Variants in DUOX1 observed in about 807,000 individuals in gnomAD.
The protein encoded by DUOX1 is dual oxidase 1.
Under a neutral mutation model 181.8 loss-of-function variants are expected in DUOX1, and 134 were observed. The ratio of observed to expected loss-of-function variants is 0.74; its 90% CI spans 0.64 to 0.85. The LOEUF (loss-of-function observed/expected upper bound fraction) is 0.85. Ranked by LOEUF, DUOX1 falls within the 40% of genes least tolerant of loss-of-function variation. The probability of loss-of-function intolerance (pLI) is 0.00; values close to 1 mark genes in which losing one functional copy is unlikely to be tolerated. For missense variants in DUOX1, 1,814 were observed against 2,064.4 expected, an observed-to-expected ratio of 0.88 and a Z score of 2.35; for synonymous variants, 798 against 832.5, an observed-to-expected ratio of 0.96 and a Z score of 0.71.
intron 12 of DUOX1, 160 bp downstream of exon 12, chr15:45,139,759 TGAA>T: frequency 1.2e-6 from 1 of 830,878 alleles, no homozygotes; most frequent in African/African-American, 1.7e-5. Context: ...CATATCAGGA[TGAA>T]GATTACCAGA....
chr15:45,161,028 G>A (rs1194334677), intron 29 of DUOX1, 38 bp downstream of exon 29: 3 of 1,613,074 alleles, frequency 1.9e-6, no homozygotes, highest in African/African-American at 2.7e-5. Context: ...GTGACACTGA[G>A]GGAGCTGACC....
At chr15:45,143,402 T>G in intron 16 of DUOX1, 99 bp downstream of exon 16, 1 of 927,804 alleles carries the variant, frequency 1.1e-6, no homozygotes, top group East Asian at 2.6e-5. Context: ...GGCCTCCCTT[T>G]TCTAGGACTG....
chr15:45,135,448 G>A (rs762713710), intron 5 of DUOX1, 26 bp from the exon 6 acceptor site: 3 of 1,543,132 alleles, frequency 1.9e-6, no homozygotes, highest in Admixed American at 2.0e-5. Context: ...CCATCGACCC[G>A]GGCTCACCCG....
At chr15:45,143,050 T>A in intron 15 of DUOX1, 140 bp from the exon 16 acceptor site, 1 of 652,746 alleles carries the variant, frequency 1.5e-6, no homozygotes, top group Non-Finnish European at 2.7e-6. Flanking sequence ...CCAGGGACCT[T>A]CCCAATCTGA....
At chr15:45,158,939 GA>G (rs1897031563) in intron 28 of DUOX1, among the ~76,000 whole-genome samples, 7 of 152,198 alleles carry the variant, frequency 4.6e-5, no homozygotes, top group African/African-American at 1.7e-4. Context: ...GGAGTTCACT[GA>G]AGGGAGTTTC....
rs757861040 is a variant in DUOX1 at position 45,147,496 on chromosome 15, G to A, written c.2386G>A (p.Glu796Lys). 8.7e-6 allele frequency: 14 copies of A among 1,614,096 alleles called. 1 individual carries two copies. The South Asian group carries it at 1.5e-4, about 18-fold the overall frequency. The change falls in exon 19 of 34, where the codon GAG becomes AAG. Residue 796 changes from glutamate to lysine, a missense_variant. Around this residue, in one of 5 missense-constraint regions of DUOX1, gnomAD observed 1,064 missense variants for 1,152.9 expected, o/e 0.92. Coordinates refer to ENST00000389037, the MANE Select transcript of DUOX1 (RefSeq NM_175940.3). ...LPLDSSQKVREALTCELSRAE... is the reference protein window; with the variant it reads ...LPLDSSQKVRKALTCELSRAE... ...CCTGGACTCCTCCCAGAAGGTGCGG[G>A]AGGCCCTGACCTGTGAGCTGAGCAG...
chr15:45,143,605 C>A (rs1896565611), intron 16 of DUOX1, among the ~76,000 whole-genome samples: 1 of 152,168 alleles, frequency 6.6e-6, no homozygotes. Flanking sequence ...CGCTGGAACT[C>A]CAGGCAACAG....
At chr15:45,155,623 G>T (rs1348688682) in intron 27 of DUOX1, 179 bp from the exon 28 acceptor site, 36 of 679,732 alleles carry the variant, frequency 5.3e-5, no homozygotes, top group African/African-American at 7.3e-5. Flanking sequence ...AGTGAACAAT[G>T]TCTGCTGAAA....
At chr15:45,153,801 G>A in intron 26 of DUOX1, 150 bp from the exon 27 acceptor site, 1 of 710,460 alleles carries the variant, frequency 1.4e-6, no homozygotes, top group African/African-American at 1.8e-5. Context: ...GCAGGAGAAT[G>A]GCTTGAAACC....
intron 28 of DUOX1, among the ~76,000 whole-genome samples, chr15:45,159,940 A>G (rs1897056861): frequency 6.6e-6 from 1 of 152,132 alleles, no homozygotes; most frequent in South Asian, 2.1e-4. Flanking sequence ...AAATCATTCG[A>G]GGTCAGTTCG....
intron 4 of DUOX1, 69 bp downstream of exon 4, chr15:45,134,378 G>T (rs1896232319): frequency 6.7e-7 from 1 of 1,493,132 alleles, no homozygotes; most frequent in Non-Finnish European, 9.0e-7. Flanking sequence ...GTGAAGAGGG[G>T]TCAGAGGATG....
In DUOX1 at chr15:45,147,622, C is replaced by T. The variant is rs143543011; in HGVS notation, c.2512C>T (p.Arg838Ter). 5 of 1,614,142 alleles carry T rather than the reference C, an allele frequency of 3.1e-6. No individual in the cohort carries two copies. Among genetic ancestry groups the T allele is most frequent in the African/African-American group, 1.3e-5 (1 of 75,038 alleles). The stretch of plus-strand genomic sequence containing the variant: ...GGATGGCAATGGCTACCTGTCCTTC[C>T]GAGAGTTCCTGGACATCCTGGTGGT... Reference protein sequence around the residue: ...DKDGNGYLSFREFLDILVVFM... With the variant: ...DKDGNGYLSF The change falls in exon 19 of 34, where the codon CGA becomes TGA. Residue 838 changes from arginine (R) to a stop codon, truncating the protein, a stop_gained. Transcript: ENST00000389037. LOFTEE classifies it high-confidence loss of function.
intron 4 of DUOX1, among the ~76,000 whole-genome samples, chr15:45,134,764 G>T (rs1420052682): frequency 1.3e-5 from 2 of 152,208 alleles, no homozygotes; most frequent in African/African-American, 2.4e-5. Context: ...CTTGACCCCA[G>T]TGACAGGATT....
In DUOX1 at chr15:45,147,937, G is replaced by A. The variant is rs879079332; in HGVS notation, c.2582G>A (p.Arg861His). ...GAGGAAAAGTCTCGCCTTATGTTCC[G>A]CATGTACGACTTTGATGGGAATGGC... is the stretch of plus-strand genomic sequence containing the variant. The part of the protein sequence containing the change: ...SPEEKSRLMF[R>H]MYDFDGNGLI... The change falls in exon 20 of 34, where the codon CGC becomes CAC. Residue 861 changes from arginine (R) to histidine (H), a missense_variant. By Grantham distance (29) the Arg-to-His change is conservative (BLOSUM62 0). Around this residue, in one of 5 missense-constraint regions of DUOX1, gnomAD observed 1,064 missense variants for 1,152.9 expected, o/e 0.92. Coordinates refer to ENST00000389037, the MANE Select transcript of DUOX1 (RefSeq NM_175940.3). 20 of 1,613,986 alleles carry A rather than the reference G, an allele frequency of 1.2e-5. No individual in the cohort carries two copies. The highest frequency in any genetic ancestry group is 6.6e-5 in the South Asian group (6 of 91,088).
At chr15:45,146,393 C>G (rs1896655963) in intron 18 of DUOX1, among the ~76,000 whole-genome samples, 1 of 152,172 alleles carries the variant, frequency 6.6e-6, no homozygotes, top group South Asian at 2.1e-4. Flanking sequence ...CTTCCCAGAG[C>G]CCAGGCAGGA....
intron 18 of DUOX1, 152 bp downstream of exon 18, chr15:45,145,232 T>C: frequency 1.4e-6 from 1 of 734,656 alleles, no homozygotes; most frequent in East Asian, 2.9e-5. Context: ...GACTTTATCA[T>C]AAGGAGTTGC....
intron 23 of DUOX1, 98 bp from the exon 24 acceptor site, chr15:45,151,776 C>A: frequency 7.8e-7 from 1 of 1,279,776 alleles, no homozygotes; most frequent in Non-Finnish European, 1.1e-6. Context: ...AAGCAGTGGG[C>A]TTCCCTCACT....
chr15:45,157,164 G>A (rs1021707941), intron 28 of DUOX1, among the ~76,000 whole-genome samples: 6 of 152,242 alleles, frequency 3.9e-5, no homozygotes, highest in African/African-American at 1.4e-4. Context: ...CATCTTGCCT[G>A]TTGCTCAGCA....
At chr15:45,156,042 C>A in intron 28 of DUOX1, 113 bp downstream of exon 28, 1 of 1,399,954 alleles carries the variant, frequency 7.1e-7, no homozygotes, top group Non-Finnish European at 9.9e-7. Context: ...GCATCCTCTT[C>A]ACTTCTCGAC....
Sources: allele counts gnomAD v4.1 joint callset (sites outside exome capture counted in the v4.1 genomes callset), GRCh38; gene constraint gnomAD v4.1.1; regional missense constraint gnomAD v4.1.1; transcripts MANE v1.5; gene names NCBI Gene and HGNC (gene_info 2026-07-23, HGNC 2026-07-21).